ESRRG: variants seen among roughly 807,000 people sequenced by gnomAD.
ESRRG encodes estrogen related receptor gamma.
In ESRRG, 13 loss-of-function variants were observed where a neutral mutation model predicts 44.0. That is an observed-to-expected ratio of 0.30 (90% confidence interval 0.19 to 0.47). The LOEUF (loss-of-function observed/expected upper bound fraction) is 0.47. Ranked by LOEUF, ESRRG falls within the 20% of genes least tolerant of loss-of-function variation. The probability of loss-of-function intolerance (pLI) is 1.00; values close to 1 mark genes in which losing one functional copy is unlikely to be tolerated. For synonymous variants in ESRRG, 215 were observed against 214.6 expected (o/e 1.00, Z -0.02); for missense variants, 395 against 580.6 (o/e 0.68, Z 3.29).
chr1:216,545,088 T>C (rs1005912599), intron 5 of ESRRG, among the ~76,000 whole-genome samples: 2 of 151,998 alleles, frequency 1.3e-5, no homozygotes, highest in African/African-American at 2.4e-5. Flanking sequence ...GCTCGCTCTG[T>C]CACCCAGTCT....
intron 2 of ESRRG, among the ~76,000 whole-genome samples, chr1:216,787,583 C>A (rs142718141): frequency 4.6e-5 from 5 of 109,256 alleles, no homozygotes; most frequent in Non-Finnish European, 8.6e-5. Flanking sequence ...GCCTGGGTGA[C>A]AGAGCAAGAC....
intron 2 of ESRRG, among the ~76,000 whole-genome samples, chr1:216,766,383 T>A (rs549497714): frequency 6.6e-6 from 1 of 151,808 alleles, no homozygotes; most frequent in Non-Finnish European, 1.5e-5. Flanking sequence ...TGGGCGAAAA[T>A]CATCCCTGAC....
chr1:216,634,687 G>A (rs960823101), intron 3 of ESRRG, among the ~76,000 whole-genome samples: 6 of 152,188 alleles, frequency 3.9e-5, no homozygotes, highest in African/African-American at 1.4e-4. Flanking sequence ...GCCCAGGGGG[G>A]ACAGTCTCCA....
chr1:217,043,615 T>A (rs953534682), intron 1 of ESRRG, among the ~76,000 whole-genome samples: 3 of 150,922 alleles, frequency 2.0e-5, no homozygotes, highest in African/African-American at 7.3e-5. Flanking sequence ...GCTCTTACAT[T>A]GAGCCAACTT....
upstream of ESRRG, among the ~76,000 whole-genome samples, chr1:217,094,227 C>T (rs574327314): frequency 1.3e-5 from 2 of 152,280 alleles, no homozygotes; most frequent in East Asian, 3.9e-4. Flanking sequence ...CAGTAGCCTA[C>T]CATATCAGCC....
intron 2 of ESRRG, among the ~76,000 whole-genome samples, chr1:216,930,596 G>A (rs754295578): frequency 7.9e-5 from 12 of 152,186 alleles, no homozygotes; most frequent in African/African-American, 1.4e-4. Context: ...CTGCAAAGAC[G>A]TATAAGACAT....
intron 1 of ESRRG, among the ~76,000 whole-genome samples, chr1:216,696,322 G>A (rs2080150452): frequency 6.6e-6 from 1 of 152,064 alleles, no homozygotes; most frequent in African/African-American, 2.4e-5. Context: ...ATATTTTATA[G>A]CAGCCAACTT....
upstream of ESRRG, among the ~76,000 whole-genome samples, chr1:217,091,178 AT>A (rs1453565735): frequency 6.6e-6 from 1 of 152,124 alleles, no homozygotes; most frequent in Non-Finnish European, 1.5e-5. Flanking sequence ...TTGTTTAGGA[AT>A]TTTTATTTTC....
intron 2 of ESRRG, among the ~76,000 whole-genome samples, chr1:216,886,926 C>G (rs2096525610): frequency 6.6e-6 from 1 of 151,902 alleles, no homozygotes; most frequent in Non-Finnish European, 1.5e-5. Flanking sequence ...TTTTTAAATA[C>G]AGGGTTTTGC....
At chr1:216,718,512 C>T (rs542484099) in intron 1 of ESRRG, among the ~76,000 whole-genome samples, 1 of 151,984 alleles carries the variant, frequency 6.6e-6, no homozygotes, top group East Asian at 1.9e-4. Context: ...GATTGTCAAG[C>T]AGCAGAGATG....
chr1:216,818,728 A>G (rs1177161263), intron 2 of ESRRG, among the ~76,000 whole-genome samples: 2 of 152,084 alleles, frequency 1.3e-5, no homozygotes, highest in Non-Finnish European at 2.9e-5. Flanking sequence ...TATTAAGCCC[A>G]GCAACTATTA....
intron 2 of ESRRG, among the ~76,000 whole-genome samples, chr1:216,652,191 G>T (rs759311508): frequency 6.6e-6 from 1 of 152,110 alleles, no homozygotes; most frequent in Non-Finnish European, 1.5e-5. Flanking sequence ...CAATTTTGCT[G>T]CTCCATGTTT....
At chr1:216,990,886 A>G (rs2150511686) in intron 1 of ESRRG, among the ~76,000 whole-genome samples, 1 of 152,192 alleles carries the variant, frequency 6.6e-6, no homozygotes, top group South Asian at 2.1e-4. Context: ...TTCTAGGGTC[A>G]ATTGTACTGT....
intron 1 of ESRRG, among the ~76,000 whole-genome samples, chr1:216,965,376 T>G (rs1038157485): frequency 6.6e-6 from 1 of 152,054 alleles, no homozygotes; most frequent in Non-Finnish European, 1.5e-5. Flanking sequence ...CAAGGCTTCA[T>G]CTATTAATTA....
At chr1:216,963,089 A>T (rs1328231379) in intron 1 of ESRRG, among the ~76,000 whole-genome samples, 1 of 152,186 alleles carries the variant, frequency 6.6e-6, no homozygotes, top group Non-Finnish European at 1.5e-5. Flanking sequence ...TTGTTTGGAG[A>T]TTTAATGAGA....
chr1:216,839,906 C>T (rs185585477), intron 2 of ESRRG, among the ~76,000 whole-genome samples: 223 of 152,258 alleles, frequency 1.5e-3, no homozygotes, highest in African/African-American at 4.1e-3. Context: ...CTTTGTTGTT[C>T]CATTGATAGA....
chr1:217,063,445 C>A (rs974999487), intron 1 of ESRRG, among the ~76,000 whole-genome samples: 4 of 152,184 alleles, frequency 2.6e-5, no homozygotes, highest in African/African-American at 7.2e-5. Flanking sequence ...GCTAAGCCTA[C>A]AATCTCCTCA....
Position 216,660,793 on chromosome 1 carries a change from C to T in ESRRG, c.473-9704G>A, listed in dbSNP as rs144917379. Among the ~76,000 whole-genome samples, 228 of 152,174 alleles carry T rather than the reference C, an allele frequency of 1.5e-3. 1 individual carries two copies. The highest frequency in any genetic ancestry group is 3.4e-3 in the Middle Eastern group (1 of 292). On this transcript the variant is annotated intron_variant, in intron 2 of 6. Coordinates refer to ENST00000408911, the MANE Select transcript of ESRRG (RefSeq NM_001438.4). ...ATAGGATAGGGTTGCTTTTAGAGAA[C>T]GGAATCTCTCAACACCTCAAAAAGA...
At chr1:216,940,235 G>T (rs905495952) in intron 1 of ESRRG, among the ~76,000 whole-genome samples, 2 of 152,134 alleles carry the variant, frequency 1.3e-5, no homozygotes, top group Non-Finnish European at 2.9e-5. Flanking sequence ...ACTCCAAGTG[G>T]GTTTTCACTA....
Sources: gnomAD v4.1 joint callset for allele counts (sites outside exome capture counted in the v4.1 genomes callset) on GRCh38, gnomAD v4.1.1 for gene constraint, MANE v1.5 for transcripts, NCBI Gene and HGNC (gene_info 2026-07-23, HGNC 2026-07-21) for gene names.